Variants in LY75 observed in about 807,000 individuals in gnomAD.
LY75 encodes the protein lymphocyte antigen 75.
Under a neutral mutation model 231.7 loss-of-function variants are expected in LY75, and 185 were observed. That is an observed-to-expected ratio of 0.80 (90% CI 0.71 to 0.90). The LOEUF (loss-of-function observed/expected upper bound fraction) is 0.90, where lower values mean the gene tolerates loss of function less well. LY75 is among the 40% of genes least tolerant of loss of function. The pLI, the probability that LY75 is intolerant of heterozygous loss-of-function variation, is 0.00. For missense variants in LY75, 1,947 were observed against 2,050.2 expected (o/e 0.95, Z 0.97); for synonymous variants, 668 against 689.0 (o/e 0.97, Z 0.48).
At chr2:159,887,578 A>AAAAAAAG (rs1560102271) in intron 4 of LY75, among the ~76,000 whole-genome samples, 1 of 149,460 alleles carries the variant, frequency 6.7e-6, no homozygotes, top group Admixed American at 6.6e-5. Context: ...AAAAAAAAAA[A>AAAAAAAG]AAAAAAGAAA....
In LY75 at chr2:159,835,478, A is replaced by C; in HGVS notation, c.3673+2T>G. Reference sequence around the variant, plus strand: ...GAATTAAAAGATCTGAAATTCACATACTTCCTGAATAGTAGCAAATAGCAC... The same window carrying C: ...GAATTAAAAGATCTGAAATTCACATCCTTCCTGAATAGTAGCAAATAGCAC... On this transcript the variant is annotated splice_donor_variant, in intron 26 of 34. Coordinates refer to ENST00000263636, the MANE Select transcript of LY75 (RefSeq NM_002349.4). LOFTEE classifies it high-confidence loss of function. The C allele has an allele frequency of 6.3e-7, 1 of 1,581,252 alleles. No individual in the cohort carries two copies. Among genetic ancestry groups the C allele is most frequent in the Non-Finnish European group, 8.6e-7 (1 of 1,167,372 alleles).
chr2:159,835,396 A>T, intron 26 of LY75, 84 bp downstream of exon 26: 1 of 1,385,288 alleles, frequency 7.2e-7, no homozygotes, highest in East Asian at 2.7e-5. Context: ...CCAAAACCAG[A>T]TTTTATAAAA....
intron 12 of LY75, among the ~76,000 whole-genome samples, chr2:159,873,220 A>G (rs992089729): frequency 6.6e-6 from 1 of 152,180 alleles, no homozygotes; most frequent in African/African-American, 2.4e-5. Context: ...TGACACAATG[A>G]CAGGATGAAT....
chr2:159,822,335 C>A (rs1212231781), intron 28 of LY75, among the ~76,000 whole-genome samples: 1 of 152,204 alleles, frequency 6.6e-6, no homozygotes, highest in African/African-American at 2.4e-5. Flanking sequence ...TGACCTGGGA[C>A]GCTAGAGCTT....
At chr2:159,871,496 A>G (rs1286750123) in intron 13 of LY75, among the ~76,000 whole-genome samples, 1 of 152,090 alleles carries the variant, frequency 6.6e-6, no homozygotes, top group South Asian at 2.1e-4. Context: ...ATTTTTAAGG[A>G]TTTTTATTAG....
At chr2:159,882,885 T>A (rs1385299566) in intron 6 of LY75, among the ~76,000 whole-genome samples, 1 of 152,044 alleles carries the variant, frequency 6.6e-6, no homozygotes, top group Non-Finnish European at 1.5e-5. Flanking sequence ...ACTTCTTTCC[T>A]CCCCTCTGCT....
chr2:159,854,164 T>C (rs1032306857), intron 18 of LY75, among the ~76,000 whole-genome samples, 196 bp downstream of exon 18: 2 of 152,136 alleles, frequency 1.3e-5, no homozygotes, highest in East Asian at 3.8e-4. Flanking sequence ...ACATTTATTA[T>C]TAATCTTGTA....
In LY75 at chr2:159,840,794, C is replaced by T; in HGVS notation, c.3442G>A (p.Ala1148Thr). ...AGGAGCGCCTGCACACTGAGGAATG[C>T]CTGCTGGTAAGGGTCCGTGATGCTC... The part of the protein sequence containing the change: ...LVSITDPYQQ[A>T]FLSVQALLHN... The change falls in exon 25 of 35, where the codon GCA (alanine) becomes ACA (threonine). Residue 1148 changes from alanine to threonine, a missense_variant. Physicochemically the swap from Ala to Thr is moderately conservative, Grantham distance 58. Transcript: ENST00000263636. 1 of 1,614,064 alleles carries T rather than the reference C, an allele frequency of 6.2e-7. No individual in the cohort carries two copies. Among genetic ancestry groups the T allele is most frequent in the Non-Finnish European group, 8.5e-7 (1 of 1,179,978 alleles).
chr2:159,822,820 A>C (rs1300999127), intron 28 of LY75, among the ~76,000 whole-genome samples: 2 of 152,186 alleles, frequency 1.3e-5, no homozygotes, highest in Non-Finnish European at 2.9e-5. Context: ...GGTGATAACT[A>C]GGCAAACAGA....
chr2:159,841,029 C>T (rs1030151336), intron 24 of LY75, 74 bp from the exon 25 acceptor site: 175 of 1,566,112 alleles, frequency 1.1e-4, no homozygotes, highest in Non-Finnish European at 6.4e-5. Flanking sequence ...ATTTTTTTCA[C>T]ATTTCTCCCC....
rs528292194 is a variant in LY75 at position 159,805,954 on chromosome 2, C to G, written c.4991-732G>C. Reference sequence around the variant, plus strand: ...AGCACCTGCCTACCTTTCAGTTCTTCCCTGAGCGCTCAGCCAACTTGTTCT... The same window carrying G: ...AGCACCTGCCTACCTTTCAGTTCTTGCCTGAGCGCTCAGCCAACTTGTTCT... On this transcript the variant is annotated intron_variant, in intron 34 of 34. Transcript: ENST00000263636. 1.4e-4 allele frequency among the ~76,000 whole-genome samples: 22 copies of G among 152,264 alleles called. 1 individual carries two copies. The South Asian group carries it at 4.6e-3, about 32-fold the overall frequency.
intron 31 of LY75, among the ~76,000 whole-genome samples, chr2:159,814,692 A>G (rs1683063484): frequency 6.6e-6 from 1 of 151,168 alleles, no homozygotes; most frequent in African/African-American, 2.4e-5. Context: ...AGAAAAGAAA[A>G]AAGAAAAGAA....
In LY75 at chr2:159,858,401, A is replaced by G; in HGVS notation, c.2344T>C (p.Cys782Arg). 6.2e-7 allele frequency: 1 copy of G among 1,613,754 alleles called. No individual in the cohort carries two copies. The highest frequency in any genetic ancestry group is 8.5e-7 in the Non-Finnish European group (1 of 1,179,838). ...REFIYLRPFACDTKLEWVCQI... is the reference protein window; with the variant it reads ...REFIYLRPFARDTKLEWVCQI... ...CACACCCATTCAAGTTTTGTATCAC[A>G]AGCAAAAGGCCTCAAATAAATAAAT... Residue 782 changes from cysteine to arginine, a missense_variant, in exon 16 of 35, where the codon TGT becomes CGT. Transcript: ENST00000263636.
intron 21 of LY75, among the ~76,000 whole-genome samples, 157 bp downstream of exon 21, chr2:159,852,044 T>A (rs948235735): frequency 6.6e-6 from 1 of 152,204 alleles, no homozygotes; most frequent in Non-Finnish European, 1.5e-5. Context: ...CTTGATATCA[T>A]CCACGGTTTC....
chr2:159,860,720 T>G, intron 15 of LY75, 101 bp downstream of exon 15: 1 of 1,415,170 alleles, frequency 7.1e-7, no homozygotes, highest in Non-Finnish European at 9.9e-7. Flanking sequence ...GCATCTAACA[T>G]CATGCTTCAC....
At chr2:159,887,200 G>A (rs373093864) in intron 4 of LY75, among the ~76,000 whole-genome samples, 42 of 104,088 alleles carry the variant, frequency 4.0e-4, no homozygotes, top group African/African-American at 1.3e-3. Flanking sequence ...GATACAGAAT[G>A]AGAGTGAGAG....
intron 28 of LY75, among the ~76,000 whole-genome samples, chr2:159,822,363 C>T (rs1683324263): frequency 6.6e-6 from 1 of 152,220 alleles, no homozygotes; most frequent in South Asian, 2.1e-4. Flanking sequence ...GGAGTGGCAT[C>T]CGCCATTGCT....
intron 7 of LY75, 60 bp from the exon 8 acceptor site, chr2:159,881,300 T>C (rs1685429139): frequency 3.3e-6 from 5 of 1,506,254 alleles, no homozygotes; most frequent in Middle Eastern, 2.0e-4. Context: ...AATATGTACA[T>C]TGTTATACAA....
intron 25 of LY75, among the ~76,000 whole-genome samples, chr2:159,839,103 G>C (rs1403130674): frequency 6.6e-6 from 1 of 152,020 alleles, no homozygotes; most frequent in Non-Finnish European, 1.5e-5. Flanking sequence ...GCCGATCTGG[G>C]TTAACTTTAG....
Sources: allele counts gnomAD v4.1 joint callset (sites outside exome capture counted in the v4.1 genomes callset), GRCh38; gene constraint gnomAD v4.1.1; transcripts MANE v1.5; gene names NCBI Gene and HGNC (gene_info 2026-07-23, HGNC 2026-07-21).